Variants in TAFA4 observed in about 807,000 individuals in gnomAD.
TAFA4 encodes the protein TAFA chemokine like family member 4.
A neutral mutation model predicts 21.1 loss-of-function variants in TAFA4; 20 were observed. That is an observed-to-expected ratio of 0.95 (90% CI 0.67 to 1.38). The LOEUF (loss-of-function observed/expected upper bound fraction) is 1.38. TAFA4 is among the 40% of genes most tolerant of loss of function. The probability of loss-of-function intolerance (pLI) is 0.00; values close to 1 mark genes in which losing one functional copy is unlikely to be tolerated. For missense variants in TAFA4, 211 were observed against 180.9 expected (o/e 1.17, Z -0.95); for synonymous variants, 71 against 67.4 (o/e 1.05, Z -0.26).
At chr3:68,784,593 A>C (rs185504730) in intron 3 of TAFA4, among the ~76,000 whole-genome samples, 38 of 152,240 alleles carry the variant, frequency 2.5e-4, no homozygotes, top group African/African-American at 7.9e-4. Context: ...CTTTGCGGTG[A>C]GTGTTACAGC....
chr3:68,833,746 G>A (rs935444231), intron 3 of TAFA4, among the ~76,000 whole-genome samples: 2 of 152,042 alleles, frequency 1.3e-5, no homozygotes, highest in African/African-American at 4.8e-5. Context: ...CACTTTCATG[G>A]ATAAGTTTTA....
intron 3 of TAFA4, among the ~76,000 whole-genome samples, chr3:68,794,329 C>G (rs1703417404): frequency 6.6e-6 from 1 of 152,078 alleles, no homozygotes; most frequent in African/African-American, 2.4e-5. Flanking sequence ...TTCATTTCTC[C>G]TGTCATAATT....
In TAFA4 at chr3:68,932,424, C is replaced by CCTGCGGGAGAAGCCTGAAGCTG. The variant is rs2090167839; in HGVS notation, c.-329_-308dup. On this transcript the variant is annotated 5_prime_UTR_variant, in exon 1 of 6. Coordinates refer to ENST00000295569, the MANE Select transcript of TAFA4 (RefSeq NM_182522.5). ...TCTCTACCAGGAGAAGCCCGAAGCT[C>CCTGCGGGAGAAGCCTGAAGCTG]CTGCGGGAGAAGCCTGAAGCTGCTG... The CCTGCGGGAGAAGCCTGAAGCTG allele has an allele frequency of 6.6e-6, 1 of 152,336 alleles. No homozygotes were observed. The highest frequency in any genetic ancestry group is 2.4e-5 in the African/African-American group (1 of 41,468). The allele number at this position is 152,336 out of a possible 1,614,324, so 9.4% of individuals were successfully genotyped here.
chr3:68,771,886 A>G (rs1369804796), intron 3 of TAFA4, among the ~76,000 whole-genome samples: 4 of 152,256 alleles, frequency 2.6e-5, no homozygotes, highest in Non-Finnish European at 5.9e-5. Context: ...GAATTATGCA[A>G]CCTAATTGAG....
chr3:68,829,071 A>T (rs534845623), intron 3 of TAFA4, among the ~76,000 whole-genome samples: 40 of 152,326 alleles, frequency 2.6e-4, no homozygotes, highest in African/African-American at 9.6e-4. Flanking sequence ...ATGGAACCAA[A>T]AAAGAGCCTG....
chr3:68,880,673 T>A, intron 3 of TAFA4, 57 bp downstream of exon 3: 1 of 1,433,848 alleles, frequency 7.0e-7, no homozygotes, highest in South Asian at 1.2e-5. Context: ...ATGTGGACTC[T>A]GACATTTGGA....
At chr3:68,752,801 G>C (rs1702580151) in intron 4 of TAFA4, 62 bp downstream of exon 4, 1 of 1,607,398 alleles carries the variant, frequency 6.2e-7, no homozygotes, top group Non-Finnish European at 8.5e-7. Context: ...GTAAAGTAGG[G>C]AAATTCCTGG....
intron 3 of TAFA4, among the ~76,000 whole-genome samples, chr3:68,810,279 A>G (rs1024696978): frequency 2.6e-5 from 4 of 152,112 alleles, no homozygotes; most frequent in African/African-American, 9.7e-5. Flanking sequence ...TGCATTTCCA[A>G]CTGAGGTAAT....
At chr3:68,846,067 C>T (rs1299156980) in intron 3 of TAFA4, among the ~76,000 whole-genome samples, 2 of 152,060 alleles carry the variant, frequency 1.3e-5, no homozygotes, top group Admixed American at 6.5e-5. Context: ...GCCTGTCTTG[C>T]TAGGTTGGGG....
At chr3:68,735,387 A>G (rs1484699573) in intron 5 of TAFA4, among the ~76,000 whole-genome samples, 6 of 152,088 alleles carry the variant, frequency 3.9e-5, no homozygotes, top group African/African-American at 1.4e-4. Context: ...AGCAAGGTAT[A>G]AGCCAATTAA....
At chr3:68,910,280 T>G (rs1441710646) in intron 1 of TAFA4, among the ~76,000 whole-genome samples, 17 of 152,340 alleles carry the variant, frequency 1.1e-4, no homozygotes. Flanking sequence ...GTGGGGATCA[T>G]AGGGGCCCAC....
At chr3:68,792,243 G>C (rs922609509) in intron 3 of TAFA4, among the ~76,000 whole-genome samples, 2 of 152,166 alleles carry the variant, frequency 1.3e-5, no homozygotes, top group African/African-American at 4.8e-5. Context: ...TTCATCATTA[G>C]TGGAGGGAAA....
At chr3:68,881,397 C>T (rs897642557) in intron 2 of TAFA4, among the ~76,000 whole-genome samples, 1 of 152,056 alleles carries the variant, frequency 6.6e-6, no homozygotes, top group East Asian at 1.9e-4. Context: ...AATTTAACTT[C>T]GTATGATGGA....
intron 3 of TAFA4, among the ~76,000 whole-genome samples, chr3:68,820,479 C>G (rs1704089544): frequency 6.6e-6 from 1 of 151,796 alleles, no homozygotes; most frequent in Non-Finnish European, 1.5e-5. Context: ...AGTTTGAGAG[C>G]AGCCTGAACA....
At chr3:68,906,989 C>A (rs1471135623) in intron 1 of TAFA4, among the ~76,000 whole-genome samples, 7 of 137,778 alleles carry the variant, frequency 5.1e-5, no homozygotes, top group Admixed American at 1.6e-4. Flanking sequence ...CAAGATTGCA[C>A]CACTGCACTG....
chr3:68,840,523 C>T (rs917394369), intron 3 of TAFA4, among the ~76,000 whole-genome samples: 1 of 152,164 alleles, frequency 6.6e-6, no homozygotes, highest in African/African-American at 2.4e-5. Context: ...AGCCCACTTA[C>T]TAGTTTTAGA....
At chr3:68,739,243 C>T (rs746768141) in intron 4 of TAFA4, 44 bp from the exon 5 acceptor site, 3 of 1,607,996 alleles carry the variant, frequency 1.9e-6, no homozygotes, top group South Asian at 1.1e-5. Context: ...CTGTTTCTTC[C>T]TCCAAAGATG....
At position 68,780,993 on chromosome 3, in the gene TAFA4, T is replaced by C. The variant is rs76181629; in HGVS notation, c.131-27975A>G. Among the ~76,000 whole-genome samples the C allele has an allele frequency of 1.6e-4, 24 of 152,122 alleles. No individual in the cohort carries two copies. In the East Asian group the frequency reaches 4.6e-3, roughly 29 times the overall value. ...CTAAAAGTAAATAAAAGAATAGTAT[T>C]TGGAAAAATCCAAACTATTGAAAAG... On this transcript the variant is annotated intron_variant, in intron 3 of 5. Transcript: ENST00000295569.
Position 68,740,508 on chromosome 3 carries a change from A to G in TAFA4, c.287-1309T>C, listed in dbSNP as rs6799841. Among the ~76,000 whole-genome samples the G allele has an allele frequency of 8.0e-3, 1,213 of 152,246 alleles. 14 individuals carry two copies. Among genetic ancestry groups the G allele is most frequent in the African/African-American group, 0.027 (1,117 of 41,554 alleles). ...GTATGTCTTCCTTGGAAAAATATCA[A>G]TTCAGCTCCTTTTCCTACTTTTTAA... On this transcript the variant is annotated intron_variant, in intron 4 of 5. Transcript: ENST00000295569.
Sources: allele counts gnomAD v4.1 joint callset (sites outside exome capture counted in the v4.1 genomes callset), GRCh38; gene constraint gnomAD v4.1.1; transcripts MANE v1.5; gene names NCBI Gene and HGNC (gene_info 2026-07-23, HGNC 2026-07-21).